KCNJ3: variants seen among roughly 807,000 people sequenced by gnomAD.
KCNJ3 encodes G protein-activated inward rectifier potassium channel 1.
In KCNJ3, 4 loss-of-function variants were observed where a neutral mutation model predicts 39.2. The ratio of observed to expected loss-of-function variants is 0.10; its 90% CI spans 0.05 to 0.23. KCNJ3 has a LOEUF of 0.23. KCNJ3 is among the 10% of genes least tolerant of loss of function. The pLI, the probability that KCNJ3 is intolerant of heterozygous loss-of-function variation, is 1.00. For synonymous variants in KCNJ3, 230 were observed against 237.4 expected (o/e 0.97, Z 0.29); for missense variants, 276 against 634.9 (o/e 0.43, Z 6.08).
chr2:154,761,380 G>A (rs1009942623), intron 2 of KCNJ3, among the ~76,000 whole-genome samples: 4 of 152,098 alleles, frequency 2.6e-5, no homozygotes, highest in Non-Finnish European at 4.4e-5. Context: ...TATTGCAATT[G>A]TAAGATAAGT....
rs1491265065 is a variant in KCNJ3, at chr2:154,825,876, T to TA, written c.920-28851_920-28850insA. On this transcript the variant is annotated intron_variant, in intron 2 of 2. Transcript: ENST00000295101. ...TTACAGTCATGAGCCACTGCACCTG[T>TA]TTTTTTTTTTTTTTTAATTATTAAT... 3.2e-5 allele frequency among the ~76,000 whole-genome samples: 3 copies of TA among 94,376 alleles called. No homozygotes were observed. The East Asian group carries it at 1.6e-3, about 50-fold the overall frequency. The allele number at this position is 94,376 out of a possible 152,430, so 61.9% of individuals were successfully genotyped here.
rs1687850566 is a variant in KCNJ3 at position 154,856,968 on chromosome 2, C to G, written c.*1655C>G. On this transcript the variant is annotated 3_prime_UTR_variant, in exon 3 of 3. Coordinates refer to ENST00000295101, the MANE Select transcript of KCNJ3 (RefSeq NM_002239.4). The stretch of plus-strand genomic sequence containing the variant: ...TTGCTAGTTTGGGCTCTCATTATTT[C>G]CTGTTTTTTAACAATTTTGTGATAA... The G allele has an allele frequency of 6.6e-6, 1 of 152,070 alleles. No homozygotes were observed. Among genetic ancestry groups the G allele is most frequent in the African/African-American group, 2.4e-5 (1 of 41,416 alleles). 9.4% of individuals were successfully genotyped at this position (152,070 alleles called of 1,614,324 possible). A position where few individuals can be genotyped will look rare whatever the true frequency, so the allele number is the denominator to read the frequency against.
chr2:154,725,464 A>G (rs3111016), intron 2 of KCNJ3, among the ~76,000 whole-genome samples: 78,105 of 151,440 alleles, frequency 0.52, 21,052 homozygotes, highest in African/African-American at 0.68. Context: ...TTTGTCTTCC[A>G]TTTTTCATTT....
Position 154,855,442 on chromosome 2 carries a change from C to G in KCNJ3, c.*129C>G, listed in dbSNP as rs1687820462. On this transcript the variant is annotated 3_prime_UTR_variant, in exon 3 of 3. Coordinates refer to ENST00000295101, the MANE Select transcript of KCNJ3 (RefSeq NM_002239.4). ...CAGTTCTACAAGCATATTTGAGAAC[C>G]CTTCCTTTCCCAAGTATTGCGAATG... is the stretch of plus-strand genomic sequence containing the variant. 3 of 664,836 alleles carry G rather than the reference C, an allele frequency of 4.5e-6. No individual in the cohort carries two copies. 41.2% of individuals were successfully genotyped at this position (664,836 alleles called of 1,614,324 possible). A position where few individuals can be genotyped will look rare whatever the true frequency, so the allele number is the denominator to read the frequency against.
chr2:154,841,818 TTCTC>T (rs1422588636), intron 2 of KCNJ3, among the ~76,000 whole-genome samples: 2 of 152,132 alleles, frequency 1.3e-5, no homozygotes, highest in Non-Finnish European at 2.9e-5. Context: ...TATTTGATTC[TTCTC>T]TCTTTTCTTC....
At chr2:154,810,766 A>ATC (rs1371941278) in intron 2 of KCNJ3, among the ~76,000 whole-genome samples, 1 of 152,220 alleles carries the variant, frequency 6.6e-6, no homozygotes, top group Non-Finnish European at 1.5e-5. Flanking sequence ...TGAAGTATTT[A>ATC]TCTGAGCTCA....
intron 2 of KCNJ3, among the ~76,000 whole-genome samples, chr2:154,737,052 C>T (rs1217274698): frequency 6.6e-6 from 1 of 152,156 alleles, no homozygotes; most frequent in Non-Finnish European, 1.5e-5. Context: ...CTATAGTCTT[C>T]ACCTGGGGAC....
At chr2:154,742,857 C>CA (rs901473334) in intron 2 of KCNJ3, among the ~76,000 whole-genome samples, 3 of 150,802 alleles carry the variant, frequency 2.0e-5, no homozygotes, top group East Asian at 1.9e-4. Flanking sequence ...TCTTTTGAAG[C>CA]AAAAAAAATT....
Position 154,857,300 on chromosome 2 carries a change from GA to G in KCNJ3, c.*1989del, listed in dbSNP as rs1246072522. 6.6e-6 allele frequency: 1 copy of G among 152,116 alleles called. No homozygotes were observed. The highest frequency in any genetic ancestry group is 1.9e-4 in the East Asian group (1 of 5,178). 9.4% of individuals were successfully genotyped at this position (152,116 alleles called of 1,614,324 possible). On this transcript the variant is annotated 3_prime_UTR_variant, in exon 3 of 3. Transcript: ENST00000295101. ...AAAGTGCATAGATCATTTAGTCCAA[GA>G]ACTTAAAACTAAATAGAGCCATAAT...
In KCNJ3 at chr2:154,709,722, C is replaced by A. The variant is rs267598931; in HGVS notation, c.822C>A (p.Ile274=). The change falls in exon 2 of 3, where the codon ATC becomes ATA. Residue 274 remains isoleucine (I), a synonymous_variant. Transcript: ENST00000295101. ...CCCCCCTCACAATTTGCCACGTGAT[C>A]GATGCCAAAAGCCCCTTTTATGACC... ...LVSPLTICHV[I]DAKSPFYDLS... is the part of the protein sequence containing the mutation. The A allele has an allele frequency of 5.6e-6, 9 of 1,613,876 alleles. No individual in the cohort carries two copies. Among genetic ancestry groups the A allele is most frequent in the South Asian group, 1.1e-5 (1 of 91,064 alleles).
At chr2:154,767,615 T>G (rs1686158892) in intron 2 of KCNJ3, among the ~76,000 whole-genome samples, 1 of 152,218 alleles carries the variant, frequency 6.6e-6, no homozygotes, top group African/African-American at 2.4e-5. Flanking sequence ...GTTCCAAGTC[T>G]TTGCTATTGT....
rs188139264 is a variant in KCNJ3, at chr2:154,852,120, C to A, written c.920-2607C>A. On this transcript the variant is annotated intron_variant, in intron 2 of 2. Transcript: ENST00000295101. ...AGGACAAACTTACAAACTTTCCTTA[C>A]TTTTTAAGACACTGAATTATATTGA... is the stretch of plus-strand genomic sequence containing the variant. Among the ~76,000 whole-genome samples, 36 of 152,260 alleles carry A rather than the reference C, an allele frequency of 2.4e-4. 1 individual carries two copies. In the East Asian group the frequency reaches 6.0e-3, roughly 25 times the overall value.
At chr2:154,820,543 G>C (rs539970040) in intron 2 of KCNJ3, among the ~76,000 whole-genome samples, 27 of 152,206 alleles carry the variant, frequency 1.8e-4, no homozygotes, top group Admixed American at 4.6e-4. Flanking sequence ...TTGTTCAATT[G>C]TAAATTTTCC....
intron 2 of KCNJ3, among the ~76,000 whole-genome samples, chr2:154,835,482 TATTC>T (rs1270819725): frequency 9.2e-6 from 1 of 109,006 alleles, no homozygotes; most frequent in Non-Finnish European, 2.1e-5. Flanking sequence ...GAATATATAA[TATTC>T]ATGAATATGA....
rs77742492 is a variant in KCNJ3 at position 154,832,404 on chromosome 2, A to G, written c.920-22323A>G. On this transcript the variant is annotated intron_variant, in intron 2 of 2. Transcript: ENST00000295101. ...TTAGTTAATGTTCCTCTTGAAACAT[A>G]GTCTATGCATGTTTCTCTTTGTTTG... Among the ~76,000 whole-genome samples, 568 of 152,338 alleles carry G rather than the reference A, an allele frequency of 3.7e-3. 3 individuals carry two copies. The highest frequency in any genetic ancestry group is 6.9e-3 in the Non-Finnish European group (467 of 68,034).
At chr2:154,776,004 TC>T (rs1686326510) in intron 2 of KCNJ3, among the ~76,000 whole-genome samples, 1 of 121,226 alleles carries the variant, frequency 8.2e-6, no homozygotes, top group East Asian at 2.0e-4. Flanking sequence ...GAGAAGTGAT[TC>T]TTTTTTTTTT....
intron 2 of KCNJ3, among the ~76,000 whole-genome samples, chr2:154,737,018 A>G (rs1246086337): frequency 6.6e-6 from 1 of 152,198 alleles, no homozygotes; most frequent in Non-Finnish European, 1.5e-5. Context: ...CAACAAAGAA[A>G]TAACTCTGGA....
At chr2:154,754,522 G>T (rs541735972) in intron 2 of KCNJ3, among the ~76,000 whole-genome samples, 1 of 152,126 alleles carries the variant, frequency 6.6e-6, no homozygotes. Context: ...CAATCCACCC[G>T]CCTTGGCCTC....
intron 2 of KCNJ3, among the ~76,000 whole-genome samples, chr2:154,723,462 G>A (rs986338578): frequency 5.9e-5 from 9 of 152,034 alleles, no homozygotes; most frequent in Non-Finnish European, 1.2e-4. Flanking sequence ...CACTTTATGA[G>A]GCAAAAAACA....
Sources: allele counts gnomAD v4.1 joint callset (sites outside exome capture counted in the v4.1 genomes callset), GRCh38; gene constraint gnomAD v4.1.1; transcripts MANE v1.5; gene names NCBI Gene and HGNC (gene_info 2026-07-23, HGNC 2026-07-21).